The following ZDHHC15 variants were observed in gnomAD, a reference collection of about 807,000 sequenced individuals.
ZDHHC15 encodes the protein zDHHC palmitoyltransferase 15.
A neutral mutation model predicts 31.7 loss-of-function variants in ZDHHC15; 19 were observed. That is an observed-to-expected ratio of 0.60 (90% CI 0.42 to 0.88). ZDHHC15 has a LOEUF of 0.88. Ranked by LOEUF, ZDHHC15 falls within the 40% of genes least tolerant of loss-of-function variation. ZDHHC15 has a pLI of 0.00. For synonymous variants in ZDHHC15, 103 were observed against 90.0 expected (o/e 1.14, Z -0.82); for missense variants, 209 against 251.2 (o/e 0.83, Z 1.14).
At chrX:75,416,919 T>G (rs1366551763) in intron 10 of ZDHHC15, among the ~76,000 whole-genome samples, 168 bp downstream of exon 10, 2 of 111,698 alleles carry the variant, frequency 1.8e-5, no homozygotes, top group African/African-American at 6.5e-5. Context: ...AATCTAATCT[T>G]ATCTAAACTA....
intron 4 of ZDHHC15, among the ~76,000 whole-genome samples, chrX:75,432,903 G>A (rs2083798443): frequency 9.0e-6 from 1 of 111,151 alleles, no homozygotes; most frequent in African/African-American, 3.3e-5. Context: ...AGGATTGCTA[G>A]AGCCCAGGAG....
intron 4 of ZDHHC15, among the ~76,000 whole-genome samples, chrX:75,438,936 A>C (rs1486135118): frequency 8.9e-6 from 1 of 111,744 alleles, no homozygotes. Flanking sequence ...CTGGATACAA[A>C]ATTCTTGGCT....
chrX:75,506,529 C>A (rs1324661747), intron 1 of ZDHHC15, among the ~76,000 whole-genome samples: 2 of 111,944 alleles, frequency 1.8e-5, no homozygotes, highest in Non-Finnish European at 3.8e-5. Context: ...TGTTAAAAAT[C>A]TGACCAGACA....
intron 10 of ZDHHC15, among the ~76,000 whole-genome samples, chrX:75,382,694 C>T (rs2083127937): frequency 8.9e-6 from 1 of 111,944 alleles, no homozygotes; most frequent in Non-Finnish European, 1.9e-5. Context: ...TTACAGTGGC[C>T]TCTAGATTAT....
At chrX:75,459,017 C>T (rs991078983) in intron 3 of ZDHHC15, among the ~76,000 whole-genome samples, 6 of 106,750 alleles carry the variant, frequency 5.6e-5, no homozygotes, top group African/African-American at 2.0e-4. Flanking sequence ...AAAAACAACC[C>T]CCAGCCAAGG....
chrX:75,475,782 C>T (rs1369501129), intron 3 of ZDHHC15, among the ~76,000 whole-genome samples: 1 of 111,802 alleles, frequency 8.9e-6, no homozygotes, highest in Non-Finnish European at 1.9e-5. Flanking sequence ...ATATAAATTG[C>T]ATTAAATCTA....
chrX:75,455,897 C>T (rs1227185483), intron 3 of ZDHHC15, among the ~76,000 whole-genome samples: 1 of 111,601 alleles, frequency 9.0e-6, no homozygotes, highest in Non-Finnish European at 1.9e-5. Context: ...GCTTTTACAC[C>T]ATTGGTGGGA....
intron 10 of ZDHHC15, among the ~76,000 whole-genome samples, chrX:75,380,038 T>C (rs889493100): frequency 8.9e-6 from 1 of 111,924 alleles, no homozygotes; most frequent in Non-Finnish European, 1.9e-5. Flanking sequence ...AATGTCTCTT[T>C]GGAATCATGA....
intron 3 of ZDHHC15, among the ~76,000 whole-genome samples, chrX:75,451,380 G>A (rs757133112): frequency 8.9e-6 from 1 of 112,257 alleles, no homozygotes; most frequent in Non-Finnish European, 1.9e-5. Context: ...TGGAGAAGCT[G>A]GATGAGACTG....
At chrX:75,417,216 C>A (rs751189717) in intron 9 of ZDHHC15, 26 bp from the exon 10 acceptor site, 2 of 1,058,125 alleles carry the variant, frequency 1.9e-6, no homozygotes, top group South Asian at 2.0e-5. Flanking sequence ...AGGCAGTGAC[C>A]TATTGCAGCT....
rs903716306 is a variant in ZDHHC15, at chrX:75,372,666, A to G, written c.*312T>C. Reference sequence around the variant, plus strand: ...GAATTTCCTTTTACCTGATAAGATGAATGAAAAGATATATTTTACATTTAG... The same window carrying G: ...GAATTTCCTTTTACCTGATAAGATGGATGAAAAGATATATTTTACATTTAG... On this transcript the variant is annotated 3_prime_UTR_variant, in exon 12 of 12. Coordinates refer to ENST00000373367, the MANE Select transcript of ZDHHC15 (RefSeq NM_144969.3). The G allele has an allele frequency of 9.0e-6, 1 of 111,612 alleles. No homozygotes were observed. The highest frequency in any genetic ancestry group is 1.9e-5 in the Non-Finnish European group (1 of 53,106). 9.2% of individuals were successfully genotyped at this position (111,612 alleles called of 1,213,427 possible). A position where few individuals can be genotyped will look rare whatever the true frequency, so the allele number is the denominator to read the frequency against.
At position 75,507,700 on chromosome X, in the gene ZDHHC15, C is replaced by T. The variant is rs1299000392; in HGVS notation, c.137-1853G>A. Among the ~76,000 whole-genome samples, 3 of 111,578 alleles carry T rather than the reference C, an allele frequency of 2.7e-5. No homozygotes were observed. In the East Asian group the frequency reaches 8.4e-4, roughly 31 times the overall value. Reference sequence around the variant, plus strand: ...ACCTTCTCTGTTTCTTTAAGTTTCACTCACTACTAGGGGGTAAATTATTGG... The same window carrying T: ...ACCTTCTCTGTTTCTTTAAGTTTCATTCACTACTAGGGGGTAAATTATTGG... On this transcript the variant is annotated intron_variant, in intron 1 of 11. Coordinates refer to ENST00000373367, the MANE Select transcript of ZDHHC15 (RefSeq NM_144969.3).
At chrX:75,464,434 T>C (rs2084370720) in intron 3 of ZDHHC15, among the ~76,000 whole-genome samples, 1 of 109,821 alleles carries the variant, frequency 9.1e-6, no homozygotes, top group Admixed American at 9.8e-5. Context: ...TAAAGTATAA[T>C]AAAATAAAAT....
intron 3 of ZDHHC15, among the ~76,000 whole-genome samples, chrX:75,477,077 T>C (rs2084617164): frequency 9.0e-6 from 1 of 111,624 alleles, no homozygotes; most frequent in African/African-American, 3.2e-5. Flanking sequence ...AGTTTTTTCT[T>C]GTTTTCATTC....
chrX:75,437,906 T>C (rs1265992471), intron 4 of ZDHHC15, among the ~76,000 whole-genome samples: 1 of 110,424 alleles, frequency 9.1e-6, no homozygotes, highest in Non-Finnish European at 1.9e-5. Flanking sequence ...ATCCAGAATC[T>C]ACAAAGAACT....
chrX:75,370,285 A>T lies in ZDHHC15; in HGVS notation c.*2693T>A, dbSNP rs1334728094. ...TGAGATTCCACAGAGGTTATTGGAC[A>T]GGGATCCAAAGAAAAGCAAGCAAAG... On this transcript the variant is annotated 3_prime_UTR_variant, in exon 12 of 12. Coordinates refer to ENST00000373367, the MANE Select transcript of ZDHHC15 (RefSeq NM_144969.3). The T allele has an allele frequency of 9.0e-6, 1 of 111,043 alleles. No individual in the cohort carries two copies. The highest frequency in any genetic ancestry group is 1.9e-5 in the Non-Finnish European group (1 of 53,054). The allele number at this position is 111,043 out of a possible 1,213,427, so 9.2% of individuals were successfully genotyped here. A position where few individuals can be genotyped will look rare whatever the true frequency, so the allele number is the denominator to read the frequency against.
intron 3 of ZDHHC15, among the ~76,000 whole-genome samples, chrX:75,463,774 T>C (rs192627725): frequency 2.0e-3 from 218 of 111,366 alleles, no homozygotes; most frequent in Middle Eastern, 4.6e-3. Flanking sequence ...ATGGCAATCA[T>C]TAAAAAGTCA....
intron 1 of ZDHHC15, among the ~76,000 whole-genome samples, chrX:75,508,833 G>A (rs940318466): frequency 1.5e-4 from 17 of 110,668 alleles, no homozygotes; most frequent in African/African-American, 4.9e-4. Flanking sequence ...TTTAATTAAC[G>A]CCATTCTAAC....
At chrX:75,489,761 GAGA>G (rs1229032689) in intron 2 of ZDHHC15, among the ~76,000 whole-genome samples, 1 of 112,418 alleles carries the variant, frequency 8.9e-6, no homozygotes, top group Non-Finnish European at 1.9e-5. Flanking sequence ...GACGAGTTGA[GAGA>G]AGAAGCCTTC....
Sources: allele counts gnomAD v4.1 joint callset (sites outside exome capture counted in the v4.1 genomes callset), GRCh38; gene constraint gnomAD v4.1.1; transcripts MANE v1.5; gene names NCBI Gene and HGNC (gene_info 2026-07-23, HGNC 2026-07-21).